The following USO1 variants were observed in gnomAD, a reference collection of about 807,000 sequenced individuals.
The protein encoded by USO1 is USO1 vesicle transport factor.
A neutral mutation model predicts 124.5 loss-of-function variants in USO1; 57 were observed. The observed-to-expected ratio is 0.46, with a 90% CI of 0.37 to 0.57. The LOEUF (loss-of-function observed/expected upper bound fraction) is 0.57. Among genes scored for constraint, USO1 ranks in the 20% least tolerant of loss-of-function variants. The pLI, the probability that USO1 is intolerant of heterozygous loss-of-function variation, is 0.00. For missense variants in USO1, 900 were observed against 1,040.6 expected, an observed-to-expected ratio of 0.86 and a Z score of 1.86; for synonymous variants, 369 against 362.8, an observed-to-expected ratio of 1.02 and a Z score of -0.19.
At chr4:75,740,785 A>G (rs1334523324) in intron 1 of USO1, among the ~76,000 whole-genome samples, 1 of 152,196 alleles carries the variant, frequency 6.6e-6, no homozygotes, top group Non-Finnish European at 1.5e-5. Flanking sequence ...TGAAGCAATA[A>G]TGGAAATATG....
intron 21 of USO1, among the ~76,000 whole-genome samples, chr4:75,810,091 G>GA (rs1723103523): frequency 6.6e-6 from 1 of 152,146 alleles, no homozygotes; most frequent in Admixed American, 6.5e-5. Flanking sequence ...GGACTTATAG[G>GA]AAATTTATGA....
chr4:75,725,190 G>T (rs908175344), intron 1 of USO1, among the ~76,000 whole-genome samples: 17 of 152,168 alleles, frequency 1.1e-4, no homozygotes, highest in Non-Finnish European at 1.5e-4. Flanking sequence ...ACGGATGCGC[G>T]GCCGAGCTGG....
intron 4 of USO1, among the ~76,000 whole-genome samples, chr4:75,763,112 G>A (rs1024967404): frequency 6.6e-6 from 1 of 152,128 alleles, no homozygotes; most frequent in Non-Finnish European, 1.5e-5. Flanking sequence ...CCAAAGAGAA[G>A]ATCCAGAAAT....
chr4:75,779,630 A>G (rs572556701), intron 8 of USO1, among the ~76,000 whole-genome samples: 158 of 152,332 alleles, frequency 1.0e-3, no homozygotes, highest in African/African-American at 3.7e-3. Flanking sequence ...GAAGACTGAG[A>G]GAGGTGAACA....
rs1723096325 is a variant in USO1 at position 75,809,934 on chromosome 4, C to G, written c.2476-498C>G. ...TTTTAGATATTTGTTGTGTCACTAC[C>G]CGACTTCCTAGTATTTTAGAAAAAA... is the stretch of plus-strand genomic sequence containing the variant. On this transcript the variant is annotated intron_variant, in intron 21 of 23. Coordinates refer to ENST00000514213, the MANE Select transcript of USO1 (RefSeq NM_003715.4). Among the ~76,000 whole-genome samples the G allele has an allele frequency of 2.0e-5, 3 of 151,956 alleles. No homozygotes were observed. The South Asian group carries it at 6.2e-4, about 31-fold the overall frequency.
chr4:75,774,971 T>C (rs1011078738), intron 8 of USO1, among the ~76,000 whole-genome samples, 175 bp downstream of exon 8: 3 of 152,352 alleles, frequency 2.0e-5, no homozygotes, highest in South Asian at 2.1e-4. Context: ...TTTGTTAGGC[T>C]TTTACAATCT....
rs377545167 is a variant in USO1 at position 75,787,858 on chromosome 4, C to A, written c.996+656C>A. Reference sequence around the variant, plus strand: ...TGTATTGATACCATTCCTGCTAAGCCAAATAGAGTCCTATATCCTTTTTTA... The same window carrying A: ...TGTATTGATACCATTCCTGCTAAGCAAAATAGAGTCCTATATCCTTTTTTA... On this transcript the variant is annotated intron_variant, in intron 10 of 23. Coordinates refer to ENST00000514213, the MANE Select transcript of USO1 (RefSeq NM_003715.4). Among the ~76,000 whole-genome samples the A allele has an allele frequency of 2.0e-5, 3 of 152,158 alleles. No homozygotes were observed. The East Asian group carries it at 5.8e-4, about 29-fold the overall frequency.
Position 75,805,140 on chromosome 4 carries a change from GA to G in USO1, c.2130del (p.Asp711ThrfsTer14). 1.3e-6 allele frequency: 2 copies of G among 1,575,960 alleles called. No homozygotes were observed. Among genetic ancestry groups the G allele is most frequent in the South Asian group, 1.2e-5 (1 of 83,894 alleles). Reference sequence around the variant, plus strand: ...TTAAAATGTTATGTCTGTCTAACAGGAAAAGACAATCAGCATCAAGGTTCTT... The same window carrying G: ...TTAAAATGTTATGTCTGTCTAACAGGAAAGACAATCAGCATCAAGGTTCTT... ...DQYNLLKIQL[G>X]KDNQHQGSYS... On this transcript the variant is annotated frameshift_variant and splice_region_variant, in exon 19 of 24. Transcript: ENST00000514213. LOFTEE classifies it high-confidence loss of function.
chr4:75,787,479 G>A (rs185768630), intron 10 of USO1, among the ~76,000 whole-genome samples: 158 of 152,196 alleles, frequency 1.0e-3, no homozygotes, highest in African/African-American at 3.7e-3. Flanking sequence ...TTCAACAGGA[G>A]TGCACAGTAT....
At chr4:75,749,903 C>T (rs1440041651) in intron 1 of USO1, among the ~76,000 whole-genome samples, 1 of 151,990 alleles carries the variant, frequency 6.6e-6, no homozygotes, top group Non-Finnish European at 1.5e-5. Context: ...AGGCACCCGT[C>T]ACCAGGCCCA....
chr4:75,793,275 T>C (rs1275036645), intron 12 of USO1, among the ~76,000 whole-genome samples: 1 of 139,238 alleles, frequency 7.2e-6, no homozygotes, highest in Non-Finnish European at 1.5e-5. Context: ...AGTGGCGCAG[T>C]CCATAGCTCA....
intron 8 of USO1, among the ~76,000 whole-genome samples, chr4:75,781,220 A>G (rs1239339816): frequency 1.3e-5 from 2 of 152,176 alleles, no homozygotes; most frequent in Admixed American, 1.3e-4. Flanking sequence ...GATGTGGTAT[A>G]AATAACAGGA....
chr4:75,754,602 C>T (rs1034843840), intron 3 of USO1, among the ~76,000 whole-genome samples: 3 of 152,192 alleles, frequency 2.0e-5, no homozygotes, highest in African/African-American at 7.2e-5. Context: ...TCCATGCCCC[C>T]TTCGACCACT....
intron 10 of USO1, among the ~76,000 whole-genome samples, chr4:75,789,677 G>GTA (rs776711636): frequency 7.2e-5 from 11 of 151,910 alleles, no homozygotes; most frequent in Non-Finnish European, 1.0e-4. Flanking sequence ...TATTTATCTT[G>GTA]TATAACATGT....
chr4:75,729,007 A>G (rs916404376), intron 1 of USO1, among the ~76,000 whole-genome samples: 5 of 152,226 alleles, frequency 3.3e-5, no homozygotes, highest in African/African-American at 1.2e-4. Flanking sequence ...CGTGTTAACC[A>G]GGATGGTCTC....
At chr4:75,802,374 T>C (rs1263470262) in intron 17 of USO1, among the ~76,000 whole-genome samples, 2 of 152,202 alleles carry the variant, frequency 1.3e-5, no homozygotes, top group African/African-American at 4.8e-5. Flanking sequence ...TAATGTGATA[T>C]AGAGTCTATA....
chr4:75,805,025 C>CT (rs1722953263), intron 18 of USO1, 115 bp from the exon 19 acceptor site: 1 of 1,346,538 alleles, frequency 7.4e-7, no homozygotes, highest in African/African-American at 1.5e-5. Flanking sequence ...AATGTGATTG[C>CT]AAAAGTGCTG....
chr4:75,800,295 A>T, intron 14 of USO1, 56 bp from the exon 15 acceptor site: 1 of 1,518,918 alleles, frequency 6.6e-7, no homozygotes, highest in Non-Finnish European at 8.8e-7. Flanking sequence ...GTCAAATTCA[A>T]ATTGCAAAAT....
At chr4:75,797,385 A>G (rs2149186765) in intron 13 of USO1, among the ~76,000 whole-genome samples, 1 of 151,676 alleles carries the variant, frequency 6.6e-6, no homozygotes. Context: ...ACTTTTTCAT[A>G]TATTAAATTC....
Sources: gnomAD v4.1 joint callset for allele counts (sites outside exome capture counted in the v4.1 genomes callset) on GRCh38, gnomAD v4.1.1 for gene constraint, MANE v1.5 for transcripts, NCBI Gene and HGNC (gene_info 2026-07-23, HGNC 2026-07-21) for gene names.